PACRG: variants seen among roughly 807,000 people sequenced by gnomAD.
PACRG encodes the protein parkin coregulated.
Under a neutral mutation model 29.7 loss-of-function variants are expected in PACRG, and 29 were observed. The observed-to-expected ratio is 0.98, with a 90% CI of 0.73 to 1.33. The LOEUF (loss-of-function observed/expected upper bound fraction) is 1.33, where lower values mean the gene tolerates loss of function less well. Among genes scored for constraint, PACRG ranks in the 40% most tolerant of loss-of-function variants. The probability of loss-of-function intolerance (pLI) is 0.00; values close to 1 mark genes in which losing one functional copy is unlikely to be tolerated. For synonymous variants in PACRG, 116 were observed against 118.7 expected (o/e 0.98, Z 0.15); for missense variants, 279 against 316.2 (o/e 0.88, Z 0.89).
chr6:163,123,318 GAGA>G (rs1398977184), intron 4 of PACRG, among the ~76,000 whole-genome samples: 1 of 139,168 alleles, frequency 7.2e-6, no homozygotes, highest in Non-Finnish European at 1.6e-5. Context: ...TGGTGACAAG[GAGA>G]AGAGGGCGGG....
chr6:163,306,951 C>A (rs1179804359), intron 4 of PACRG, among the ~76,000 whole-genome samples: 1 of 152,156 alleles, frequency 6.6e-6, no homozygotes, highest in Non-Finnish European at 1.5e-5. Context: ...AAATAACCTG[C>A]CCATAGTTAA....
intron 4 of PACRG, among the ~76,000 whole-genome samples, chr6:163,227,357 C>A (rs1167615778): frequency 6.6e-6 from 1 of 152,174 alleles, no homozygotes; most frequent in Non-Finnish European, 1.5e-5. Context: ...TGGCACCCAG[C>A]CATGAGGCAT....
At chr6:162,727,717 C>A (rs774538391), upstream of PACRG, 2 of 1,547,618 alleles carry the variant, frequency 1.3e-6, no homozygotes, top group African/African-American at 1.4e-5. Context: ...CCCATGCGCG[C>A]AGCGGCGCCA....
intron 1 of PACRG, among the ~76,000 whole-genome samples, chr6:162,755,519 T>C (rs531879296): frequency 2.6e-5 from 4 of 152,260 alleles, no homozygotes; most frequent in Admixed American, 6.5e-5. Flanking sequence ...CACTGCAACC[T>C]CTGCCTCCCT....
intron 4 of PACRG, among the ~76,000 whole-genome samples, chr6:163,096,166 C>T (rs954515105): frequency 1.3e-5 from 2 of 152,194 alleles, no homozygotes; most frequent in Admixed American, 6.5e-5. Flanking sequence ...TTCTCTTCTT[C>T]TTCGGTAATG....
At chr6:162,978,352 A>G (rs78041554) in intron 2 of PACRG, among the ~76,000 whole-genome samples, 2,917 of 152,284 alleles carry the variant, frequency 0.019, 77 homozygotes, top group East Asian at 0.054. Context: ...AAAAAACACA[A>G]TGTGTAGGGT....
chr6:162,952,205 T>C (rs1348523676), intron 2 of PACRG, among the ~76,000 whole-genome samples: 1 of 152,216 alleles, frequency 6.6e-6, no homozygotes, highest in African/African-American at 2.4e-5. Flanking sequence ...AGTCTCTTCT[T>C]ATAAGACAGT....
intron 1 of PACRG, among the ~76,000 whole-genome samples, chr6:162,771,802 TTTA>T (rs1356602328): frequency 1.4e-4 from 21 of 152,208 alleles, no homozygotes; most frequent in African/African-American, 5.1e-4. Context: ...GTGTATTCCA[TTTA>T]TTATTCTGTT....
chr6:163,097,253 C>T (rs1320813790), intron 4 of PACRG, among the ~76,000 whole-genome samples: 3 of 152,254 alleles, frequency 2.0e-5, no homozygotes, highest in Non-Finnish European at 4.4e-5. Flanking sequence ...ATCCCCATTT[C>T]ACCAGCATCT....
chr6:162,789,117 G>A (rs910398190), intron 1 of PACRG, among the ~76,000 whole-genome samples: 1 of 151,990 alleles, frequency 6.6e-6, no homozygotes, highest in Non-Finnish European at 1.5e-5. Flanking sequence ...GTAAATATTT[G>A]GTCTTTTATT....
At chr6:162,850,980 A>G (rs57022561) in intron 2 of PACRG, among the ~76,000 whole-genome samples, 15 of 152,336 alleles carry the variant, frequency 9.8e-5, no homozygotes, top group African/African-American at 3.6e-4. Context: ...GAATCCTAGG[A>G]CACCCAGCTG....
Position 162,964,237 on chromosome 6 carries a change from A to G in PACRG, c.292-97913A>G, listed in dbSNP as rs544714174. Reference sequence around the variant, plus strand: ...AACTTAGGGCAAATTACTTAATATCATTAAAACTTACTCTTCTTGTCTATA... The same window carrying G: ...AACTTAGGGCAAATTACTTAATATCGTTAAAACTTACTCTTCTTGTCTATA... On this transcript the variant is annotated intron_variant, in intron 2 of 4. Coordinates refer to ENST00000366888, the MANE Select transcript of PACRG (RefSeq NM_001080379.2). 8.3e-4 allele frequency among the ~76,000 whole-genome samples: 126 copies of G among 152,304 alleles called. 6 individuals carry two copies. The South Asian group carries it at 0.025, about 31-fold the overall frequency.
intron 2 of PACRG, among the ~76,000 whole-genome samples, chr6:162,980,638 A>C (rs1293178295): frequency 6.6e-6 from 1 of 152,184 alleles, no homozygotes; most frequent in Non-Finnish European, 1.5e-5. Flanking sequence ...TTATCTACTC[A>C]ACCTACAGAG....
At chr6:162,737,488 A>C (rs1212598788) in intron 1 of PACRG, among the ~76,000 whole-genome samples, 1 of 152,146 alleles carries the variant, frequency 6.6e-6, no homozygotes, top group Non-Finnish European at 1.5e-5. Context: ...TTTATTATGT[A>C]ATATTTTATT....
chr6:162,886,218 C>T lies in PACRG; in HGVS notation c.291+71937C>T, dbSNP rs145714344. 5.1e-3 allele frequency among the ~76,000 whole-genome samples: 773 copies of T among 152,242 alleles called. 11 individuals are homozygous for T. The highest frequency in any genetic ancestry group is 0.017 in the African/African-American group (723 of 41,548). The stretch of plus-strand genomic sequence containing the variant: ...GATTACAGGCATGAGCCATTGCCCC[C>T]GGGCTTGCAAGCTCTTTTTTAACTT... On this transcript the variant is annotated intron_variant, in intron 2 of 4. Coordinates refer to ENST00000366888, the MANE Select transcript of PACRG (RefSeq NM_001080379.2).
chr6:163,156,065 C>A (rs1778301524), intron 4 of PACRG, among the ~76,000 whole-genome samples: 1 of 152,202 alleles, frequency 6.6e-6, no homozygotes, highest in African/African-American at 2.4e-5. Flanking sequence ...AAGCCCTCGC[C>A]GCCGTGTGCG....
At chr6:162,939,093 C>A (rs1435143428) in intron 2 of PACRG, among the ~76,000 whole-genome samples, 7 of 151,906 alleles carry the variant, frequency 4.6e-5, no homozygotes, top group South Asian at 2.1e-4. Flanking sequence ...AATAGAGAAC[C>A]CAGAAATAAA....
At chr6:162,832,331 A>G (rs1788851924) in intron 2 of PACRG, among the ~76,000 whole-genome samples, 1 of 152,128 alleles carries the variant, frequency 6.6e-6, no homozygotes, top group African/African-American at 2.4e-5. Flanking sequence ...ATGTCTGTTC[A>G]TGTCTTTTGC....
intron 2 of PACRG, among the ~76,000 whole-genome samples, chr6:162,904,725 A>C (rs1177564711): frequency 6.6e-6 from 1 of 152,226 alleles, no homozygotes; most frequent in African/African-American, 2.4e-5. Flanking sequence ...TTGAGATTAA[A>C]GTAGTGAGCA....
Sources: allele counts gnomAD v4.1 joint callset (sites outside exome capture counted in the v4.1 genomes callset), GRCh38; gene constraint gnomAD v4.1.1; transcripts MANE v1.5; gene names NCBI Gene and HGNC (gene_info 2026-07-23, HGNC 2026-07-21).